The following TIMELESS variants were observed in gnomAD, a reference collection of about 807,000 sequenced individuals.
The protein encoded by TIMELESS is timeless circadian regulator.
TIMELESS carries 124 observed loss-of-function variants against 164.3 expected under a neutral mutation model. That is an observed-to-expected ratio of 0.75 (90% CI 0.65 to 0.88). The LOEUF (loss-of-function observed/expected upper bound fraction) is 0.88, where lower values mean the gene tolerates loss of function less well. Among genes scored for constraint, TIMELESS ranks in the 40% least tolerant of loss-of-function variants. The probability of loss-of-function intolerance (pLI) is 0.00; values close to 1 mark genes in which losing one functional copy is unlikely to be tolerated. For synonymous variants in TIMELESS, 564 were observed against 563.4 expected (o/e 1.00, Z -0.02); for missense variants, 1,422 against 1,491.4 (o/e 0.95, Z 0.77).
At chr12:56,431,371 A>C in intron 8 of TIMELESS, 100 bp downstream of exon 8, 3 of 1,365,948 alleles carry the variant, frequency 2.2e-6, no homozygotes, top group Non-Finnish European at 2.9e-6. Context: ...AAAAAAAAAA[A>C]ACACTAAAAT....
rs1258217597 is a variant in TIMELESS at position 56,424,897 on chromosome 12, A to C, written c.1733T>G (p.Met578Arg). The stretch of plus-strand genomic sequence containing the variant: ...CGCATCAAAGGGAACCACGGAGTCC[A>C]TGCTGAGCTCAGAATTCTAGAGATG... The part of the protein sequence containing the change: ...QCCAQNSELS[M>R]DSVVPFDAAS... The change falls in exon 15 of 29, where the codon ATG becomes AGG. Residue 578 changes from methionine (M) to arginine (R), a missense_variant. Physicochemically the swap from Met to Arg is moderately conservative, Grantham distance 91 (BLOSUM62 -1). Transcript: ENST00000553532. 6.2e-7 allele frequency: 1 copy of C among 1,614,228 alleles called. No individual in the cohort carries two copies. The highest frequency in any genetic ancestry group is 1.1e-5 in the South Asian group (1 of 91,090).
At chr12:56,427,875 C>T (rs1050259663) in intron 13 of TIMELESS, among the ~76,000 whole-genome samples, 7 of 152,142 alleles carry the variant, frequency 4.6e-5, no homozygotes, top group East Asian at 1.9e-4. Flanking sequence ...CATGCCTGGC[C>T]GCAATTTAAG....
chr12:56,418,572 CTT>C (rs372018339), intron 26 of TIMELESS, among the ~76,000 whole-genome samples: 53 of 126,728 alleles, frequency 4.2e-4, no homozygotes, highest in Admixed American at 4.0e-4. Context: ...TTTGGTTGTT[CTT>C]TTTTTTTTTT....
intron 11 of TIMELESS, 95 bp downstream of exon 11, chr12:56,428,788 G>T: frequency 6.7e-7 from 1 of 1,492,480 alleles, no homozygotes; most frequent in Non-Finnish European, 9.2e-7. Flanking sequence ...TCCCCAGACT[G>T]ATCACCTGAA....
rs1881613741 is a variant in TIMELESS, at chr12:56,424,696, CTG to C, written c.1868+64_1868+65del. 7 of 1,558,130 alleles carry C rather than the reference CTG, an allele frequency of 4.5e-6. No homozygotes were observed. In the Admixed American group the frequency reaches 5.5e-5, roughly 12 times the overall value. Reference sequence around the variant, plus strand: ...AACTCTCTTTTGAAGACTGAGAACACTGTACCGCAGTGATGGCCTCCTCCTTC... The same window carrying C: ...AACTCTCTTTTGAAGACTGAGAACACTACCGCAGTGATGGCCTCCTCCTTC... On this transcript the variant is annotated intron_variant, in intron 15 of 28. Coordinates refer to ENST00000553532, the MANE Select transcript of TIMELESS (RefSeq NM_003920.5).
At chr12:56,447,976 T>C (rs1035815890) in intron 1 of TIMELESS, among the ~76,000 whole-genome samples, 4 of 152,002 alleles carry the variant, frequency 2.6e-5, no homozygotes, top group Non-Finnish European at 4.4e-5. Flanking sequence ...GCGTAAGAGA[T>C]TTACAAAATG....
chr12:56,428,198 C>A, intron 13 of TIMELESS, 38 bp downstream of exon 13: 2 of 1,539,420 alleles, frequency 1.3e-6, no homozygotes, highest in Non-Finnish European at 1.8e-6. Flanking sequence ...CTTGACTCTC[C>A]CTTACAGCTC....
Position 56,418,154 on chromosome 12 carries a change from G to A in TIMELESS, c.3434C>T (p.Ala1145Val), listed in dbSNP as rs375928676. The A allele has an allele frequency of 1.1e-5, 18 of 1,614,084 alleles. No homozygotes were observed. The highest frequency in any genetic ancestry group is 1.7e-5 in the Admixed American group (1 of 60,000). The stretch of plus-strand genomic sequence containing the variant: ...ATTACCCTCTGGGGATGCCAGGCCC[G>A]CTTTCTTCTTGTGGGCTAGCAAGAG... Reference protein sequence around the residue: ...RALLLAHKKKAGLASPEEEDA... With the variant: ...RALLLAHKKKVGLASPEEEDA... Residue 1145 changes from alanine (A) to valine (V), a missense_variant, in exon 27 of 29, where the codon GCG (alanine) becomes GTG (valine). Ala to Val is a moderately conservative substitution (Grantham distance 64, BLOSUM62 0). Transcript: ENST00000553532.
At chr12:56,429,556 C>A (rs1383565973) in intron 10 of TIMELESS, among the ~76,000 whole-genome samples, 1 of 141,432 alleles carries the variant, frequency 7.1e-6, no homozygotes, top group Non-Finnish European at 1.5e-5. Context: ...GGCTGGAGTG[C>A]ACTGGTCTGA....
At chr12:56,427,843 G>A (rs924652802) in intron 13 of TIMELESS, among the ~76,000 whole-genome samples, 3 of 152,096 alleles carry the variant, frequency 2.0e-5, no homozygotes, top group Admixed American at 1.3e-4. Context: ...CCTCAAGCGC[G>A]GGGATTACAG....
intron 1 of TIMELESS, among the ~76,000 whole-genome samples, chr12:56,435,575 G>A (rs1882043200): frequency 6.6e-6 from 1 of 152,172 alleles, no homozygotes. Flanking sequence ...CACTTTGGAA[G>A]GCCAAGGCAG....
chr12:56,432,441 C>T lies in TIMELESS; in HGVS notation c.615G>A (p.Leu205=), dbSNP rs746030787. ...LSGLDDLLLF[L]ASSSAEEQWS... ...ATTGCTCCTCAGCAGACGAGCTGGC[C>T]AGAAAGAGGAGCAGGTCATCCAGGC... is the stretch of plus-strand genomic sequence containing the variant. The change falls in exon 7 of 29, where the codon CTG becomes CTA. Residue 205 remains leucine, a synonymous_variant. Coordinates refer to ENST00000553532, the MANE Select transcript of TIMELESS (RefSeq NM_003920.5). The T allele has an allele frequency of 6.2e-7, 1 of 1,614,186 alleles. No homozygotes were observed. The highest frequency in any genetic ancestry group is 8.5e-7 in the Non-Finnish European group (1 of 1,180,032).
At chr12:56,437,701 C>T (rs911905886) in intron 1 of TIMELESS, among the ~76,000 whole-genome samples, 1 of 152,110 alleles carries the variant, frequency 6.6e-6, no homozygotes, top group Non-Finnish European at 1.5e-5. Context: ...GACCCCATGG[C>T]CCGCAGGATC....
chr12:56,421,470 T>G lies in TIMELESS; in HGVS notation c.2749A>C (p.Asn917His), dbSNP rs1230388186. The stretch of plus-strand genomic sequence containing the variant: ...GCCCGTGAGCGTTTGGCTGTGATAT[T>G]CTTCATGATATGACCCAGGACATCT... ...SDDVLGHIMK[N>H]ITAKRSRARI... The change falls in exon 23 of 29, where the codon AAT becomes CAT. Residue 917 changes from asparagine (N) to histidine (H), a missense_variant. Transcript: ENST00000553532. 1.2e-6 allele frequency: 2 copies of G among 1,613,908 alleles called. No homozygotes were observed. Among genetic ancestry groups the G allele is most frequent in the Non-Finnish European group, 1.7e-6 (2 of 1,179,902 alleles).
At chr12:56,435,067 A>G (rs968404505) in intron 1 of TIMELESS, among the ~76,000 whole-genome samples, 8 of 152,066 alleles carry the variant, frequency 5.3e-5, no homozygotes, top group Admixed American at 2.6e-4. Context: ...GTCACCCTCC[A>G]CTTTCTGTGG....
Position 56,425,034 on chromosome 12 carries a change from T to C in TIMELESS, c.1697A>G (p.Gln566Arg). The C allele has an allele frequency of 2.5e-6, 4 of 1,614,246 alleles. No individual in the cohort carries two copies. The highest frequency in any genetic ancestry group is 3.4e-6 in the Non-Finnish European group (4 of 1,180,040). Reference protein sequence around the residue: ...VEAVWPALAEQLQCCAQNSEL... With the variant: ...VEAVWPALAERLQCCAQNSEL... ...ACCTACCTGGGCACAGCACTGTAGC[T>C]GCTCAGCCAGGGCTGGCCACACAGC... The change falls in exon 14 of 29, where the codon CAG (glutamine) becomes CGG (arginine). Residue 566 changes from glutamine (Q) to arginine (R), a missense_variant. Transcript: ENST00000553532.
chr12:56,430,144 G>C lies in TIMELESS; in HGVS notation c.1047C>G (p.Phe349Leu). 1 of 1,613,770 alleles carries C rather than the reference G, an allele frequency of 6.2e-7. No homozygotes were observed. The highest frequency in any genetic ancestry group is 8.5e-7 in the Non-Finnish European group (1 of 1,179,934). ...RLFLRDFCSE[F>L]LENCYNRLMG... ...TGAGCCGGTTGTAACAGTTCTCCAG[G>C]AACTCAGAGCAGAAGTCTCTGAGGA... Residue 349 changes from phenylalanine (F) to leucine (L), a missense_variant, in exon 10 of 29, where the codon TTC becomes TTG. By Grantham distance (22) the Phe-to-Leu change is conservative. Coordinates refer to ENST00000553532, the MANE Select transcript of TIMELESS (RefSeq NM_003920.5).
At position 56,433,380 on chromosome 12, in the gene TIMELESS, C is replaced by A; in HGVS notation, c.429+1G>T. The A allele has an allele frequency of 1.2e-6, 2 of 1,614,186 alleles. No homozygotes were observed. Among genetic ancestry groups the A allele is most frequent in the Non-Finnish European group, 1.7e-6 (2 of 1,180,028 alleles). On this transcript the variant is annotated splice_donor_variant, in intron 5 of 28. Coordinates refer to ENST00000553532, the MANE Select transcript of TIMELESS (RefSeq NM_003920.5). LOFTEE classifies it high-confidence loss of function. ...ATCCTGTAAGGTGAAGACTCACTCA[C>A]CAGCTGCAGCAGCTCATACAAGGTT...
chr12:56,429,819 G>A (rs182567720), intron 10 of TIMELESS, among the ~76,000 whole-genome samples: 1 of 151,476 alleles, frequency 6.6e-6, no homozygotes, highest in East Asian at 1.9e-4. Context: ...CCGGGACACC[G>A]CTATAATACT....
Sources: allele counts gnomAD v4.1 joint callset (sites outside exome capture counted in the v4.1 genomes callset), GRCh38; gene constraint gnomAD v4.1.1; transcripts MANE v1.5; gene names NCBI Gene and HGNC (gene_info 2026-07-23, HGNC 2026-07-21).